Variants in PCDH10 observed in about 807,000 individuals in gnomAD.
PCDH10 encodes protocadherin-10.
In PCDH10, 15 loss-of-function variants were observed where a neutral mutation model predicts 74.4. That is an observed-to-expected ratio of 0.20 (90% CI 0.13 to 0.31). The LOEUF is 0.31. Ranked by LOEUF, PCDH10 falls within the 10% of genes least tolerant of loss-of-function variation. The pLI, the probability that PCDH10 is intolerant of heterozygous loss-of-function variation, is 1.00. For synonymous variants in PCDH10, 619 were observed against 589.8 expected (o/e 1.05, Z -0.72); for missense variants, 1,260 against 1,390.2 (o/e 0.91, Z 1.49).
At chr4:133,174,857 C>G (rs1038449852) in intron 4 of PCDH10, among the ~76,000 whole-genome samples, 1 of 150,524 alleles carries the variant, frequency 6.6e-6, no homozygotes, top group Non-Finnish European at 1.5e-5. Flanking sequence ...TTATTACAAA[C>G]ATTAAAAATT....
intron 4 of PCDH10, 22 bp downstream of exon 4, chr4:133,163,304 C>A: frequency 6.4e-7 from 1 of 1,568,188 alleles, no homozygotes; most frequent in Non-Finnish European, 8.7e-7. Flanking sequence ...ACAAAGGGCT[C>A]TGTTAAAGTG....
At chr4:133,159,073 T>G (rs576545926) in intron 3 of PCDH10, among the ~76,000 whole-genome samples, 1 of 152,154 alleles carries the variant, frequency 6.6e-6, no homozygotes, top group African/African-American at 2.4e-5. Context: ...AAAAGAGGAC[T>G]AGAAATCTCA....
chr4:133,152,517 T>G lies in PCDH10; in HGVS notation c.2377T>G (p.Ser793Ala). The G allele has an allele frequency of 6.2e-7, 1 of 1,614,030 alleles. No homozygotes were observed. The highest frequency in any genetic ancestry group is 1.1e-5 in the South Asian group (1 of 91,070). Residue 793 changes from serine (S) to alanine (A), a missense_variant, in exon 1 of 5, where the codon TCC becomes GCC. Physicochemically the swap from Ser to Ala is moderately conservative, Grantham distance 99. This residue lies in a region of PCDH10 where 587 missense variants were observed against 616.9 expected (regional missense o/e 0.95). Coordinates refer to ENST00000264360, the MANE Select transcript of PCDH10 (RefSeq NM_032961.3). The part of the protein sequence containing the change: ...SKSDIMLVQS[S>A]NVPSNPAQVP... Reference sequence around the variant, plus strand: ...GTCAGACATCATGCTGGTGCAGAGCTCCAATGTACCCAGTAACCCGGCCCA... The same window carrying G: ...GTCAGACATCATGCTGGTGCAGAGCGCCAATGTACCCAGTAACCCGGCCCA...
intron 1 of PCDH10, chr4:133,153,052 C>A: frequency 7.2e-7 from 1 of 1,390,248 alleles, no homozygotes. Context: ...CAGTCCTTTC[C>A]CTTCTCAGTA....
chr4:133,193,066 A>G lies in PCDH10; in HGVS notation c.*2906A>G, dbSNP rs1216002931. On this transcript the variant is annotated 3_prime_UTR_variant, in exon 5 of 5. Coordinates refer to ENST00000264360, the MANE Select transcript of PCDH10 (RefSeq NM_032961.3). ...ACTCCTTGTTAACATGGTTAGTTTT[A>G]GAGCAGTCAAAGTCAAAAAAAATTT... is the stretch of plus-strand genomic sequence containing the variant. 1.3e-5 allele frequency: 2 copies of G among 149,900 alleles called. No individual in the cohort carries two copies. The highest frequency in any genetic ancestry group is 5.0e-5 in the African/African-American group (2 of 40,266). The allele number at this position is 149,900 out of a possible 1,614,324, so 9.3% of individuals were successfully genotyped here.
chr4:133,166,000 T>C (rs924488200), intron 4 of PCDH10, among the ~76,000 whole-genome samples: 1 of 151,742 alleles, frequency 6.6e-6, no homozygotes, highest in Non-Finnish European at 1.5e-5. Flanking sequence ...CCATGAAGAG[T>C]ATACATGATG....
At chr4:133,199,111 G>C (rs1274425072), downstream of PCDH10, among the ~76,000 whole-genome samples, 1 of 151,416 alleles carries the variant, frequency 6.6e-6, no homozygotes, top group African/African-American at 2.4e-5. Flanking sequence ...GAGAGACCCT[G>C]TCCCTACAAA....
intron 4 of PCDH10, among the ~76,000 whole-genome samples, chr4:133,171,817 T>A (rs1449438345): frequency 6.6e-6 from 1 of 152,106 alleles, no homozygotes; most frequent in Admixed American, 6.6e-5. Flanking sequence ...TAGTTCTGAT[T>A]CCAGAATTAA....
chr4:133,170,019 G>C (rs1319576794), intron 4 of PCDH10, among the ~76,000 whole-genome samples: 1 of 151,948 alleles, frequency 6.6e-6, no homozygotes, highest in Admixed American at 6.6e-5. Context: ...TTTTAGGTTT[G>C]TATTGAGTTT....
chr4:133,195,921 T>C (rs1344206043), downstream of PCDH10, among the ~76,000 whole-genome samples: 1 of 152,148 alleles, frequency 6.6e-6, no homozygotes, highest in Non-Finnish European at 1.5e-5. Flanking sequence ...CACCATATGA[T>C]CTGTTTTTCA....
intron 4 of PCDH10, among the ~76,000 whole-genome samples, chr4:133,173,931 G>A (rs763905044): frequency 6.6e-6 from 1 of 151,710 alleles, no homozygotes; most frequent in African/African-American, 2.4e-5. Context: ...ATCATAACTC[G>A]CAGGTTTAAA....
At chr4:133,166,320 T>C (rs1727080297) in intron 4 of PCDH10, among the ~76,000 whole-genome samples, 1 of 151,640 alleles carries the variant, frequency 6.6e-6, no homozygotes. Flanking sequence ...TACCATTTCA[T>C]TTTTAATTAA....
rs1268726897 is a variant in PCDH10 at position 133,179,704 on chromosome 4, G to T, written c.3104-10437G>T. 3.9e-5 allele frequency among the ~76,000 whole-genome samples: 6 copies of T among 151,930 alleles called. No individual in the cohort carries two copies. The East Asian group carries it at 7.7e-4, about 20-fold the overall frequency. On this transcript the variant is annotated intron_variant, in intron 4 of 4. Coordinates refer to ENST00000264360, the MANE Select transcript of PCDH10 (RefSeq NM_032961.3). ...ATAATTGCTGTCTTTAGAATATTTTGTGAAACAATTGTTGGTCCACTGGAC... is the reference window on the plus strand; with the variant it reads ...ATAATTGCTGTCTTTAGAATATTTTTTGAAACAATTGTTGGTCCACTGGAC...
At chr4:133,201,580 G>A (rs566045485) in intron 2 of PCDH10, among the ~76,000 whole-genome samples, 2 of 152,260 alleles carry the variant, frequency 1.3e-5, no homozygotes, top group Non-Finnish European at 2.9e-5. Flanking sequence ...AATTGTGCTA[G>A]GCGGGGTGGC....
At chr4:133,206,622 C>T (rs917511195) in intron 2 of PCDH10, among the ~76,000 whole-genome samples, 5 of 152,152 alleles carry the variant, frequency 3.3e-5, no homozygotes, top group African/African-American at 1.2e-4. Context: ...TACTTCCAAA[C>T]ATTCAGAATG....
chr4:133,170,273 A>G (rs992986840), intron 4 of PCDH10, among the ~76,000 whole-genome samples: 1 of 152,160 alleles, frequency 6.6e-6, no homozygotes, highest in South Asian at 2.1e-4. Context: ...ACTTACCCAT[A>G]TTCTTTCTCT....
At chr4:133,199,328 T>TAATAA (rs1553943450), downstream of PCDH10, among the ~76,000 whole-genome samples, 20 of 133,484 alleles carry the variant, frequency 1.5e-4, no homozygotes, top group East Asian at 1.5e-3. Context: ...ATAATAATAA[T>TAATAA]TAATTAAATA....
chr4:133,205,892 C>A (rs1419337275), intron 2 of PCDH10, among the ~76,000 whole-genome samples: 1 of 152,020 alleles, frequency 6.6e-6, no homozygotes, highest in African/African-American at 2.4e-5. Flanking sequence ...ATATTGATGA[C>A]AGTTTATTTT....
At chr4:133,173,260 G>A (rs1031252946) in intron 4 of PCDH10, among the ~76,000 whole-genome samples, 4 of 151,866 alleles carry the variant, frequency 2.6e-5, no homozygotes, top group African/African-American at 9.7e-5. Context: ...TGAATTGAGA[G>A]GAAAAGTAAA....
Sources: gnomAD v4.1 joint callset for allele counts (sites outside exome capture counted in the v4.1 genomes callset) on GRCh38, gnomAD v4.1.1 for gene constraint, gnomAD v4.1.1 regional missense constraint, MANE v1.5 for transcripts, NCBI Gene and HGNC (gene_info 2026-07-23, HGNC 2026-07-21) for gene names.